Variants in GLRA2 observed in about 807,000 individuals in gnomAD.
GLRA2 encodes the protein glycine receptor subunit alpha-2.
GLRA2 carries 11 observed loss-of-function variants against 31.6 expected under a neutral mutation model. That is an observed-to-expected ratio of 0.35 (90% CI 0.22 to 0.58). The LOEUF is 0.58. Ranked by LOEUF, GLRA2 falls within the 20% of genes least tolerant of loss-of-function variation. The pLI is 0.84. For synonymous variants in GLRA2, 132 were observed against 134.0 expected (o/e 0.99, Z 0.10); for missense variants, 212 against 351.8 (o/e 0.60, Z 3.18).
the GLRA2 span, among the ~76,000 whole-genome samples, chrX:14,456,400 A>G: frequency 2.3e-4 from 25 of 110,781 alleles, no homozygotes; most frequent in Non-Finnish European, 4.3e-4. Context: ...TGAATCTATA[A>G]AATATATTAT....
chrX:14,698,615 T>C (rs1002232056), intron 8 of GLRA2, among the ~76,000 whole-genome samples: 4 of 96,681 alleles, frequency 4.1e-5, no homozygotes, highest in Non-Finnish European at 4.0e-5. Context: ...GAGGTGGAGA[T>C]TGCAGTGAGC....
chrX:14,687,439 A>G (rs1045631362), intron 7 of GLRA2, among the ~76,000 whole-genome samples: 1 of 111,994 alleles, frequency 8.9e-6, no homozygotes, highest in Non-Finnish European at 1.9e-5. Flanking sequence ...TTTCAGGTAC[A>G]CCAATCAGAT....
intron 8 of GLRA2, among the ~76,000 whole-genome samples, chrX:14,717,126 G>C (rs1333662589): frequency 3.6e-5 from 4 of 110,959 alleles, no homozygotes. Context: ...CCTATAATAG[G>C]AGCTTCTTTA....
intron 7 of GLRA2, among the ~76,000 whole-genome samples, chrX:14,658,258 A>C (rs992881345): frequency 5.4e-5 from 6 of 111,879 alleles, no homozygotes; most frequent in Non-Finnish European, 9.4e-5. Context: ...TTCTGTGTCA[A>C]GCTCTGTGCT....
chrX:14,687,742 G>A (rs1442627060), intron 7 of GLRA2, among the ~76,000 whole-genome samples: 1 of 111,742 alleles, frequency 8.9e-6, no homozygotes, highest in East Asian at 2.8e-4. Flanking sequence ...CTTTGTGATG[G>A]GTTCGAACTT....
At chrX:14,636,178 A>G (rs746299204) in intron 7 of GLRA2, among the ~76,000 whole-genome samples, 4 of 112,311 alleles carry the variant, frequency 3.6e-5, no homozygotes, top group African/African-American at 6.5e-5. Flanking sequence ...CAGAATTCCA[A>G]ATAACTCATA....
rs182750246 is a variant in GLRA2, at chrX:14,623,505, T to C, written c.930+14300T>C. Among the ~76,000 whole-genome samples, 763 of 111,376 alleles carry C rather than the reference T, an allele frequency of 6.9e-3. 14 individuals are homozygous for C. The highest frequency in any genetic ancestry group is 0.024 in the African/African-American group (731 of 30,589). On this transcript the variant is annotated intron_variant, in intron 7 of 8. Transcript: ENST00000218075. ...GTGGGTTTGTCATAAATAGCTCTTATTATTTTGAAATACGTCCCATCAATA... is the reference window on the plus strand; with the variant it reads ...GTGGGTTTGTCATAAATAGCTCTTACTATTTTGAAATACGTCCCATCAATA...
intron 7 of GLRA2, among the ~76,000 whole-genome samples, chrX:14,619,490 T>C (rs1458802404): frequency 9.0e-6 from 1 of 111,085 alleles, no homozygotes; most frequent in African/African-American, 3.3e-5. Flanking sequence ...TTCCCAAATA[T>C]AGAGGGCATG....
chrX:14,628,838 T>A (rs2090615755), intron 7 of GLRA2, among the ~76,000 whole-genome samples: 1 of 111,431 alleles, frequency 9.0e-6, no homozygotes, highest in Non-Finnish European at 1.9e-5. Context: ...GCAGGAAGTT[T>A]GAGTTTCCTC....
At chrX:14,663,797 TA>T (rs1284216378) in intron 7 of GLRA2, among the ~76,000 whole-genome samples, 2 of 111,656 alleles carry the variant, frequency 1.8e-5, no homozygotes, top group Non-Finnish European at 3.8e-5. Context: ...TTAGATTTTT[TA>T]AAAATATCTC....
chrX:14,625,064 T>G (rs1160669317), intron 7 of GLRA2, among the ~76,000 whole-genome samples: 1 of 111,955 alleles, frequency 8.9e-6, no homozygotes, highest in Non-Finnish European at 1.9e-5. Context: ...ATTAGGATAG[T>G]TAGCTCTTGT....
intron 2 of GLRA2, among the ~76,000 whole-genome samples, chrX:14,559,045 G>A (rs1296839573): frequency 3.6e-5 from 4 of 111,038 alleles, no homozygotes; most frequent in African/African-American, 1.3e-4. Flanking sequence ...GGCTGGTCTC[G>A]AACTCCTGAC....
chrX:14,531,362 TA>T (rs2089253634), intron 1 of GLRA2, among the ~76,000 whole-genome samples: 1 of 111,700 alleles, frequency 9.0e-6, no homozygotes, highest in South Asian at 3.7e-4. Context: ...ATACATACTT[TA>T]GGGAAGAAAT....
intron 7 of GLRA2, among the ~76,000 whole-genome samples, chrX:14,658,460 T>C (rs888907693): frequency 8.9e-6 from 1 of 111,852 alleles, no homozygotes; most frequent in African/African-American, 3.3e-5. Context: ...TCTCCCTTTG[T>C]CCTCATCCTC....
At chrX:14,569,273 C>T (rs765514762) in intron 2 of GLRA2, among the ~76,000 whole-genome samples, 45 of 110,950 alleles carry the variant, frequency 4.1e-4, no homozygotes, top group South Asian at 7.5e-4. Flanking sequence ...AAAAAACAAA[C>T]AAACAAAAAA....
chrX:14,551,498 C>A (rs1384190438), intron 2 of GLRA2, among the ~76,000 whole-genome samples: 2 of 110,939 alleles, frequency 1.8e-5, no homozygotes, highest in African/African-American at 3.3e-5. Context: ...TGGTAAAGAA[C>A]AGTTGGTGGC....
At chrX:14,599,586 A>T (rs1053888118) in intron 4 of GLRA2, among the ~76,000 whole-genome samples, 1 of 112,362 alleles carries the variant, frequency 8.9e-6, no homozygotes, top group Non-Finnish European at 1.9e-5. Context: ...CCAAACTCAT[A>T]TTTAAAAAAT....
the GLRA2 span, among the ~76,000 whole-genome samples, chrX:14,485,015 T>C: frequency 8.9e-6 from 1 of 112,589 alleles, no homozygotes; most frequent in African/African-American, 3.2e-5. Flanking sequence ...GTCTTAAAAA[T>C]GTTATCCTCT....
At chrX:14,562,404 G>A (rs1601713681) in intron 2 of GLRA2, among the ~76,000 whole-genome samples, 1 of 111,958 alleles carries the variant, frequency 8.9e-6, no homozygotes, top group Non-Finnish European at 1.9e-5. Flanking sequence ...CCTAGTATGG[G>A]GCCCTGGTCC....
Sources: gnomAD v4.1 joint callset for allele counts (sites outside exome capture counted in the v4.1 genomes callset) on GRCh38, gnomAD v4.1.1 for gene constraint, MANE v1.5 for transcripts, NCBI Gene and HGNC (gene_info 2026-07-23, HGNC 2026-07-21) for gene names.